PYGO1: variants seen among roughly 807,000 people sequenced by gnomAD.
PYGO1 encodes pygopus family PHD finger 1, also known as pygopus homolog 1.
In PYGO1, 6 loss-of-function variants were observed where a neutral mutation model predicts 29.5. The ratio of observed to expected loss-of-function variants is 0.20; its 90% CI spans 0.11 to 0.40. The LOEUF (loss-of-function observed/expected upper bound fraction) is 0.40, where lower values mean the gene tolerates loss of function less well. PYGO1 is among the 10% of genes least tolerant of loss of function. PYGO1 has a pLI of 1.00. For missense variants in PYGO1, 515 were observed against 514.9 expected (o/e 1.00, Z 0.00); for synonymous variants, 186 against 180.5 (o/e 1.03, Z -0.24).
chr15:55,546,519 G>A lies in PYGO1; in HGVS notation c.764C>T (p.Ala255Val), dbSNP rs957073068. 6 of 1,613,956 alleles carry A rather than the reference G, an allele frequency of 3.7e-6. No homozygotes were observed. Among genetic ancestry groups the A allele is most frequent in the Non-Finnish European group, 5.1e-6 (6 of 1,180,030 alleles). ...ATKNTNQNSS[A>V]HPPHLNMDDT... The stretch of plus-strand genomic sequence containing the variant: ...ATCCATATTCAAGTGAGGTGGATGA[G>A]CAGAGGAATTTTGATTAGTGTTTTT... Residue 255 changes from alanine to valine, a missense_variant, in exon 3 of 3, where the codon GCT becomes GTT. Ala to Val is a moderately conservative substitution (Grantham distance 64, BLOSUM62 0). Transcript: ENST00000563719.
In PYGO1 at chr15:55,586,379, C is replaced by A. The variant is rs553569346; in HGVS notation, c.49+1456G>T. Among the ~76,000 whole-genome samples the A allele has an allele frequency of 3.3e-5, 5 of 152,322 alleles. No individual in the cohort carries two copies. The East Asian group carries it at 9.6e-4, about 29-fold the overall frequency. Reference sequence around the variant, plus strand: ...GCTCAAAACTCTGCAGACCTTTTCTCAGAGTAAAAGCCAAAGTCTTTTAAA... The same window carrying A: ...GCTCAAAACTCTGCAGACCTTTTCTAAGAGTAAAAGCCAAAGTCTTTTAAA... On this transcript the variant is annotated intron_variant, in intron 1 of 2. Transcript: ENST00000563719.
At chr15:55,567,197 CTTTTTTTTTTTTTTTTTT>C (rs71297645) in intron 1 of PYGO1, among the ~76,000 whole-genome samples, 2 of 47,054 alleles carry the variant, frequency 4.3e-5, no homozygotes, top group African/African-American at 1.8e-4. Flanking sequence ...TTTTGCCCAC[CTTTTTTTTTTTTTTTTTT>C]TTTTTTTTTT....
At chr15:55,551,877 G>C (rs1056440245) in intron 1 of PYGO1, among the ~76,000 whole-genome samples, 1 of 151,946 alleles carries the variant, frequency 6.6e-6, no homozygotes, top group Non-Finnish European at 1.5e-5. Flanking sequence ...ATATTCAAAG[G>C]ATAATACATC....
chr15:55,564,236 A>C (rs2058945436), intron 1 of PYGO1, among the ~76,000 whole-genome samples: 1 of 152,250 alleles, frequency 6.6e-6, no homozygotes, highest in African/African-American at 2.4e-5. Flanking sequence ...TTACTCAGCC[A>C]TAAAAAGGAA....
chr15:55,549,701 G>A (rs2141647328), intron 1 of PYGO1, among the ~76,000 whole-genome samples: 1 of 152,232 alleles, frequency 6.6e-6, no homozygotes, highest in Middle Eastern at 3.4e-3. Flanking sequence ...TCCAAATATT[G>A]CTTTCTCAAC....
intron 1 of PYGO1, among the ~76,000 whole-genome samples, chr15:55,550,757 T>C (rs2058875516): frequency 1.3e-5 from 2 of 152,234 alleles, no homozygotes. Flanking sequence ...AGGTGTGATT[T>C]ATATTTTCTA....
intron 1 of PYGO1, among the ~76,000 whole-genome samples, chr15:55,586,632 T>C (rs2059047791): frequency 6.6e-6 from 1 of 152,246 alleles, no homozygotes; most frequent in South Asian, 2.1e-4. Context: ...ATAGCTTCTT[T>C]GCTGTTGATT....
intron 1 of PYGO1, among the ~76,000 whole-genome samples, chr15:55,583,708 A>G (rs1567061176): frequency 6.6e-6 from 1 of 152,002 alleles, no homozygotes; most frequent in Non-Finnish European, 1.5e-5. Context: ...GGTTCTCCAT[A>G]TGTTGCCCAG....
In PYGO1 at chr15:55,555,337, C is replaced by T. The variant is rs563395432; in HGVS notation, c.50-6342G>A. Among the ~76,000 whole-genome samples, 16 of 151,836 alleles carry T rather than the reference C, an allele frequency of 1.1e-4. No homozygotes were observed. In the South Asian group the frequency reaches 2.3e-3, roughly 22 times the overall value. On this transcript the variant is annotated intron_variant, in intron 1 of 2. Coordinates refer to ENST00000563719, the MANE Select transcript of PYGO1 (RefSeq NM_001367806.1). ...GGGAATTCGTCACCACTGAGCCTGC[C>T]TTGCAAGAGCTCCTGAAGGAAGCAC...
At chr15:55,588,366 C>T (rs1222158447), upstream of PYGO1, among the ~76,000 whole-genome samples, 1 of 148,938 alleles carries the variant, frequency 6.7e-6, no homozygotes, top group Non-Finnish European at 1.5e-5. Context: ...AGACTGGAGC[C>T]GCCTGTAAAA....
chr15:55,567,723 C>G (rs2058963070), intron 1 of PYGO1, among the ~76,000 whole-genome samples: 1 of 152,016 alleles, frequency 6.6e-6, no homozygotes, highest in African/African-American at 2.4e-5. Context: ...TTCTTGGATT[C>G]TTATAGTTTG....
chr15:55,554,097 G>A (rs185990627), intron 1 of PYGO1, among the ~76,000 whole-genome samples: 16 of 152,176 alleles, frequency 1.1e-4, no homozygotes, highest in Admixed American at 2.0e-4. Context: ...ACACAAAAAC[G>A]CTTAAAACTC....
At chr15:55,572,533 A>G (rs939735175) in intron 1 of PYGO1, among the ~76,000 whole-genome samples, 3 of 152,216 alleles carry the variant, frequency 2.0e-5, no homozygotes, top group Admixed American at 6.5e-5. Context: ...ACAAGCAACA[A>G]AAGCAGAAAT....
intron 1 of PYGO1, among the ~76,000 whole-genome samples, chr15:55,551,120 G>A (rs553968129): frequency 2.2e-4 from 34 of 152,230 alleles, no homozygotes; most frequent in Non-Finnish European, 4.0e-4. Context: ...GTCACCTCCT[G>A]CTGTGTGGCC....
chr15:55,563,458 C>T (rs2058942079), intron 1 of PYGO1, among the ~76,000 whole-genome samples: 1 of 151,542 alleles, frequency 6.6e-6, no homozygotes, highest in Admixed American at 6.6e-5. Context: ...CCTCTGCATC[C>T]TGGGTTCACG....
chr15:55,563,739 C>T (rs1300036034), intron 1 of PYGO1, among the ~76,000 whole-genome samples: 1 of 152,138 alleles, frequency 6.6e-6, no homozygotes, highest in Non-Finnish European at 1.5e-5. Context: ...AGTCTTTTAT[C>T]CCTCACCCAG....
At chr15:55,579,893 C>G (rs1050084829) in intron 1 of PYGO1, among the ~76,000 whole-genome samples, 14 of 152,128 alleles carry the variant, frequency 9.2e-5, no homozygotes, top group African/African-American at 3.4e-4. Context: ...GCAAAACCAC[C>G]TAAAATTCTT....
chr15:55,578,333 A>G (rs907644786), intron 1 of PYGO1, among the ~76,000 whole-genome samples: 2 of 152,026 alleles, frequency 1.3e-5, no homozygotes, highest in African/African-American at 4.8e-5. Flanking sequence ...TTTTTGTACA[A>G]GTTTTTGTAT....
intron 1 of PYGO1, among the ~76,000 whole-genome samples, chr15:55,550,748 G>A (rs1346848125): frequency 6.6e-6 from 1 of 152,048 alleles, no homozygotes; most frequent in Non-Finnish European, 1.5e-5. Context: ...TTAAATTGCA[G>A]GTGTGATTTA....
Sources: allele counts gnomAD v4.1 joint callset (sites outside exome capture counted in the v4.1 genomes callset), GRCh38; gene constraint gnomAD v4.1.1; transcripts MANE v1.5; gene names NCBI Gene and HGNC (gene_info 2026-07-23, HGNC 2026-07-21).